REV1: variants seen among roughly 807,000 people sequenced by gnomAD.
The protein encoded by REV1 is translesion synthesis protein REV1.
In REV1, 42 loss-of-function variants were observed where a neutral mutation model predicts 137.4. The observed-to-expected ratio is 0.31, with a 90% confidence interval of 0.24 to 0.40. The LOEUF is 0.40. Ranked by LOEUF, REV1 falls within the 10% of genes least tolerant of loss-of-function variation. REV1 has a pLI of 1.00. For synonymous variants in REV1, 524 were observed against 519.2 expected, an observed-to-expected ratio of 1.01 and a Z score of -0.12; for missense variants, 1,282 against 1,490.1, an observed-to-expected ratio of 0.86 and a Z score of 2.30.
At position 99,406,324 on chromosome 2, in the gene REV1, CCTT is replaced by C; in HGVS notation, c.2612_2614del (p.Glu871del). 1.2e-6 allele frequency: 2 copies of C among 1,608,550 alleles called. No individual in the cohort carries two copies. Among genetic ancestry groups the C allele is most frequent in the Non-Finnish European group, 8.5e-7 (1 of 1,177,086 alleles). ...AAAGAACCACATTGATGACCACCAA[CCTT>C]CTTTGTGCTCCTCTTCGGTGGATTT... On this transcript the variant is annotated inframe_deletion and splice_region_variant, in exon 16 of 23. Coordinates refer to ENST00000258428, the MANE Select transcript of REV1 (RefSeq NM_016316.4).
intron 17 of REV1, chr2:99,405,412 G>A: frequency 6.5e-6 from 1 of 152,982 alleles, no homozygotes; most frequent in Non-Finnish European, 1.5e-5. Flanking sequence ...TGCAGGGGGA[G>A]CAGAGGCACA....
At chr2:99,445,067 G>A (rs1682020285) in intron 4 of REV1, among the ~76,000 whole-genome samples, 2 of 151,458 alleles carry the variant, frequency 1.3e-5, no homozygotes, top group African/African-American at 2.4e-5. Flanking sequence ...CATAGCAAGT[G>A]AAATATTCAT....
chr2:99,459,133 G>C (rs1257695944), intron 3 of REV1, among the ~76,000 whole-genome samples: 1 of 151,824 alleles, frequency 6.6e-6, no homozygotes, highest in Non-Finnish European at 1.5e-5. Context: ...GTGTGAACCC[G>C]GGAGGCAGAG....
At chr2:99,427,187 G>T (rs1302951562) in intron 9 of REV1, among the ~76,000 whole-genome samples, 2 of 151,916 alleles carry the variant, frequency 1.3e-5, no homozygotes, top group Non-Finnish European at 2.9e-5. Flanking sequence ...ATCTCTGGGG[G>T]AAAAAAATTG....
chr2:99,485,997 T>C (rs1687085183), intron 1 of REV1, among the ~76,000 whole-genome samples: 1 of 152,138 alleles, frequency 6.6e-6, no homozygotes, highest in African/African-American at 2.4e-5. Flanking sequence ...TGGTGGCACA[T>C]GCCTGTAGTG....
chr2:99,430,474 T>C (rs912245578), intron 8 of REV1, among the ~76,000 whole-genome samples: 2 of 152,234 alleles, frequency 1.3e-5, no homozygotes, highest in African/African-American at 4.8e-5. Flanking sequence ...ATTTAGTAGG[T>C]CACAAAACAT....
rs1333457993 is a variant in REV1, at chr2:99,462,782, G to A, written c.55-160C>T. On this transcript the variant is annotated intron_variant, in intron 2 of 22. Transcript: ENST00000258428. ...TCATAAACATAAACCATAAGGCAAGGCAATAAATAAAACAGGAAAGTTGGG... is the reference window on the plus strand; with the variant it reads ...TCATAAACATAAACCATAAGGCAAGACAATAAATAAAACAGGAAAGTTGGG... 3 of 702,894 alleles carry A rather than the reference G, an allele frequency of 4.3e-6. No homozygotes were observed. The Admixed American group carries it at 9.6e-5, about 22-fold the overall frequency. 43.5% of individuals were successfully genotyped at this position (702,894 alleles called of 1,614,324 possible).
chr2:99,404,648 T>G lies in REV1; in HGVS notation c.2841A>C (p.Pro947=), dbSNP rs756363620. ...QLDQSVLEAL[P]PDLREQVEQV... ...GCTCTACTTGTTCCCGGAGATCAGGTGGAAGTGCTTCTAAAACAGACTGAT... is the reference window on the plus strand; with the variant it reads ...GCTCTACTTGTTCCCGGAGATCAGGGGGAAGTGCTTCTAAAACAGACTGAT... The change falls in exon 18 of 23, where the codon CCA becomes CCC. Residue 947 remains proline, a synonymous_variant. Transcript: ENST00000258428. The G allele has an allele frequency of 1.9e-6, 3 of 1,611,820 alleles. No individual in the cohort carries two copies. The highest frequency in any genetic ancestry group is 1.7e-6 in the Non-Finnish European group (2 of 1,179,500).
chr2:99,425,922 G>T (rs1679279792), intron 9 of REV1, among the ~76,000 whole-genome samples: 2 of 152,142 alleles, frequency 1.3e-5, no homozygotes, highest in Non-Finnish European at 2.9e-5. Context: ...TGTAATCCCA[G>T]CTACTTGGGA....
At chr2:99,481,218 C>T (rs549056186) in intron 1 of REV1, among the ~76,000 whole-genome samples, 2 of 152,280 alleles carry the variant, frequency 1.3e-5, no homozygotes, top group East Asian at 1.9e-4. Context: ...TGAATAATTA[C>T]GTACATCTAA....
intron 1 of REV1, among the ~76,000 whole-genome samples, chr2:99,470,579 G>A (rs1685304709): frequency 6.6e-6 from 1 of 152,254 alleles, no homozygotes; most frequent in African/African-American, 2.4e-5. Context: ...GTCCAAGCAA[G>A]CGTTAGGTCA....
chr2:99,424,451 A>G, intron 9 of REV1, 171 bp from the exon 10 acceptor site: 1 of 689,238 alleles, frequency 1.5e-6, no homozygotes, highest in South Asian at 1.9e-5. Flanking sequence ...TTTCCCCCAA[A>G]AGTCACAACT....
chr2:99,480,675 TC>T (rs1486491244), intron 1 of REV1, among the ~76,000 whole-genome samples: 1 of 152,166 alleles, frequency 6.6e-6, no homozygotes, highest in African/African-American at 2.4e-5. Context: ...CAACTGCAAT[TC>T]AAAAATATAG....
At chr2:99,407,396 C>CA (rs139499925) in intron 15 of REV1, among the ~76,000 whole-genome samples, 24,981 of 151,168 alleles carry the variant, frequency 0.17, 2,593 homozygotes, top group African/African-American at 0.27. Context: ...ACCAAAAATA[C>CA]AAAAAATTAG....
chr2:99,413,086 G>A (rs971694675), intron 12 of REV1, 135 bp from the exon 13 acceptor site: 1 of 664,980 alleles, frequency 1.5e-6, no homozygotes, highest in East Asian at 2.7e-5. Flanking sequence ...CATAACTGAA[G>A]CATCCACAGG....
intron 1 of REV1, among the ~76,000 whole-genome samples, chr2:99,477,890 A>G (rs1225773184): frequency 6.6e-6 from 1 of 152,218 alleles, no homozygotes; most frequent in African/African-American, 2.4e-5. Flanking sequence ...CTTCCCTTCA[A>G]TTACAGATTT....
chr2:99,412,917 AG>A lies in REV1; in HGVS notation c.1985del (p.Ser662PhefsTer13). On this transcript the variant is annotated frameshift_variant, in exon 13 of 23. Coordinates refer to ENST00000258428, the MANE Select transcript of REV1 (RefSeq NM_016316.4). LOFTEE classifies it high-confidence loss of function. The stretch of plus-strand genomic sequence containing the variant: ...AGTCTCCACAAGTTTTAATTCCCAA[AG>A]ATGCCAACTTAGATTCCATTGAATG... ...VGHSMESKLASLGIKTCGDLQ... is the reference protein window; with the variant it reads ...VGHSMESKLAXLGIKTCGDLQ... The A allele has an allele frequency of 6.2e-7, 1 of 1,614,148 alleles. No individual in the cohort carries two copies. The highest frequency in any genetic ancestry group is 8.5e-7 in the Non-Finnish European group (1 of 1,179,960).
chr2:99,406,016 G>T lies in REV1; in HGVS notation c.2705C>A (p.Pro902His), dbSNP rs28382961. The T allele has an allele frequency of 3.9e-4, 636 of 1,613,984 alleles. No individual in the cohort carries two copies. The African/African-American group carries it at 6.3e-3, about 16-fold the overall frequency. ...TGAAGACTCAGCCTTGTTAGTATCAGGACTGGTCGGCAGATGTGCAGGAAA... is the reference window on the plus strand; with the variant it reads ...TGAAGACTCAGCCTTGTTAGTATCATGACTGGTCGGCAGATGTGCAGGAAA... ...PPFPAHLPTS[P>H]DTNKAESSGK... The change falls in exon 17 of 23, where the codon CCT (proline) becomes CAT (histidine). Residue 902 changes from proline to histidine, a missense_variant. Coordinates refer to ENST00000258428, the MANE Select transcript of REV1 (RefSeq NM_016316.4).
Position 99,439,052 on chromosome 2 carries a change from A to G in REV1, c.762T>C (p.Ser254=). Residue 254 remains serine (S), a synonymous_variant, in exon 6 of 23, where the codon TCT becomes TCC. Transcript: ENST00000258428. ...PMVNSVASRL[S]PAFSQEEDKA... ...TATCCTCCTCCTGGGAAAAGGCTGG[A>G]GAAAGCCTGCTGGCAACACTGTTGA... 6.2e-7 allele frequency: 1 copy of G among 1,614,124 alleles called. No individual in the cohort carries two copies. The highest frequency in any genetic ancestry group is 8.5e-7 in the Non-Finnish European group (1 of 1,179,994).
Sources: allele counts gnomAD v4.1 joint callset (sites outside exome capture counted in the v4.1 genomes callset), GRCh38; gene constraint gnomAD v4.1.1; transcripts MANE v1.5; gene names NCBI Gene and HGNC (gene_info 2026-07-23, HGNC 2026-07-21).